Variants in TDRD7 observed in about 807,000 individuals in gnomAD.
TDRD7 encodes the protein tudor domain containing 7, also known as tudor domain-containing protein 7.
TDRD7 carries 47 observed loss-of-function variants against 109.8 expected under a neutral mutation model. The ratio of observed to expected loss-of-function variants is 0.43; its 90% CI spans 0.34 to 0.55. The LOEUF (loss-of-function observed/expected upper bound fraction) is 0.55. Ranked by LOEUF, TDRD7 falls within the 20% of genes least tolerant of loss-of-function variation. The probability of loss-of-function intolerance (pLI) is 0.03; values close to 1 mark genes in which losing one functional copy is unlikely to be tolerated. For synonymous variants in TDRD7, 424 were observed against 457.3 expected (o/e 0.93, Z 0.93); for missense variants, 1,164 against 1,319.2 (o/e 0.88, Z 1.82).
At chr9:97,494,438 A>G (rs968863033) in intron 16 of TDRD7, among the ~76,000 whole-genome samples, 10 of 152,126 alleles carry the variant, frequency 6.6e-5, no homozygotes, top group African/African-American at 1.7e-4. Context: ...TACCTTACCA[A>G]TGGGTTACCT....
At chr9:97,481,928 T>G (rs1829123250) in intron 14 of TDRD7, among the ~76,000 whole-genome samples, 1 of 152,234 alleles carries the variant, frequency 6.6e-6, no homozygotes, top group Non-Finnish European at 1.5e-5. Flanking sequence ...GTAGATGGGT[T>G]GCCTTGCTGT....
At position 97,473,538 on chromosome 9, in the gene TDRD7, A is replaced by C. The variant is rs185816494; in HGVS notation, c.1991A>C (p.Asp664Ala). ...GTCAAAGTAACTAATATTTGCTCTG[A>C]TGGGACACTCTACTGCCAGGTGCCT... ...TNVKVTNICSDGTLYCQVPCK... is the reference protein window; with the variant it reads ...TNVKVTNICSAGTLYCQVPCK... The change falls in exon 11 of 17, where the codon GAT becomes GCT. Residue 664 changes from aspartate (D) to alanine (A), a missense_variant. Asp to Ala is a moderately radical substitution (Grantham distance 126). This residue lies in a region of TDRD7 where 261 missense variants were observed against 336.2 expected (regional missense o/e 0.78). Coordinates refer to ENST00000355295, the MANE Select transcript of TDRD7 (RefSeq NM_014290.3). 6.2e-7 allele frequency: 1 copy of C among 1,613,828 alleles called. No individual in the cohort carries two copies. Among genetic ancestry groups the C allele is most frequent in the East Asian group, 2.2e-5 (1 of 44,852 alleles).
intron 1 of TDRD7, among the ~76,000 whole-genome samples, chr9:97,425,419 A>G (rs1315327582): frequency 6.6e-6 from 1 of 152,204 alleles, no homozygotes; most frequent in Non-Finnish European, 1.5e-5. Flanking sequence ...AATTGCCTAC[A>G]GTATTCAGTA....
At chr9:97,417,144 A>C (rs1827824412) in intron 1 of TDRD7, among the ~76,000 whole-genome samples, 1 of 152,142 alleles carries the variant, frequency 6.6e-6, no homozygotes, top group Admixed American at 6.5e-5. Flanking sequence ...AATGGCAAGT[A>C]CAAAAGCCCT....
chr9:97,467,760 T>C (rs1034483823), intron 8 of TDRD7, among the ~76,000 whole-genome samples: 2 of 152,164 alleles, frequency 1.3e-5, no homozygotes, highest in African/African-American at 4.8e-5. Context: ...TGTGGGGGAA[T>C]GGATTGTATT....
rs113693988 is a variant in TDRD7, at chr9:97,475,085, A to G, written c.2080-298A>G. Among the ~76,000 whole-genome samples the G allele has an allele frequency of 2.3e-3, 348 of 152,312 alleles. 4 individuals carry two copies. The highest frequency in any genetic ancestry group is 8.0e-3 in the African/African-American group (334 of 41,566). On this transcript the variant is annotated intron_variant, in intron 11 of 16. Coordinates refer to ENST00000355295, the MANE Select transcript of TDRD7 (RefSeq NM_014290.3). ...GATTCAACACCTCTCTTCATGTGTAACTGATGGAGCCAGTGCCTAAGTGAA... is the reference window on the plus strand; with the variant it reads ...GATTCAACACCTCTCTTCATGTGTAGCTGATGGAGCCAGTGCCTAAGTGAA...
At chr9:97,467,559 T>A (rs1828841278) in intron 8 of TDRD7, among the ~76,000 whole-genome samples, 1 of 152,246 alleles carries the variant, frequency 6.6e-6, no homozygotes, top group African/African-American at 2.4e-5. Flanking sequence ...CAAGTCCTTC[T>A]TCTCAAGAAG....
At chr9:97,424,298 C>A (rs556700541) in intron 1 of TDRD7, among the ~76,000 whole-genome samples, 1 of 152,076 alleles carries the variant, frequency 6.6e-6, no homozygotes, top group Non-Finnish European at 1.5e-5. Context: ...TCAGATGAAC[C>A]GCCCACCTCG....
At chr9:97,450,719 A>G (rs2118425708) in intron 6 of TDRD7, among the ~76,000 whole-genome samples, 1 of 152,328 alleles carries the variant, frequency 6.6e-6, no homozygotes, top group South Asian at 2.1e-4. Flanking sequence ...AGAAAATTAA[A>G]AAGAGGTGGC....
chr9:97,492,685 CCCATCCATGT>C (rs1386140537), intron 16 of TDRD7, among the ~76,000 whole-genome samples: 2 of 152,182 alleles, frequency 1.3e-5, no homozygotes, highest in African/African-American at 4.8e-5. Context: ...GCTGTTGGGT[CCCATCCATGT>C]CCTGAGTTCC....
In TDRD7 at chr9:97,465,475, C is replaced by T. The variant is rs530107792; in HGVS notation, c.1629+447C>T. ...CAGCTGCTCCCAGCGTAGCCCTCTC[C>T]ACCCTCTTGAAAAGGCCAGTGGGCC... On this transcript the variant is annotated intron_variant, in intron 8 of 16. Coordinates refer to ENST00000355295, the MANE Select transcript of TDRD7 (RefSeq NM_014290.3). Among the ~76,000 whole-genome samples, 152 of 152,312 alleles carry T rather than the reference C, an allele frequency of 1.0e-3. No individual in the cohort carries two copies. The Middle Eastern group carries it at 0.014, about 14-fold the overall frequency.
chr9:97,414,258 AAAGT>A (rs1827775693), intron 1 of TDRD7, among the ~76,000 whole-genome samples: 1 of 152,218 alleles, frequency 6.6e-6, no homozygotes, highest in African/African-American at 2.4e-5. Context: ...TTTCAAACTA[AAAGT>A]AATTAATTTT....
intron 8 of TDRD7, among the ~76,000 whole-genome samples, chr9:97,469,393 G>C (rs530905697): frequency 3.9e-5 from 6 of 152,306 alleles, no homozygotes; most frequent in African/African-American, 1.4e-4. Flanking sequence ...AGGTAGACAG[G>C]CCCCACAGGC....
At chr9:97,478,731 G>A in intron 13 of TDRD7, 158 bp downstream of exon 13, 1 of 994,958 alleles carries the variant, frequency 1.0e-6, no homozygotes, top group Non-Finnish European at 1.5e-6. Flanking sequence ...GTAAAACATT[G>A]CTGACTTAGA....
rs1026863393 is a variant in TDRD7, at chr9:97,412,787, A to T, written c.-7+549A>T. On this transcript the variant is annotated intron_variant, in intron 1 of 16. Transcript: ENST00000355295. The surrounding 1 kb of genome is among the most constrained non-coding windows in gnomAD (Gnocchi z 4.3). The stretch of plus-strand genomic sequence containing the variant: ...GGACACACATCCCCATTTCTCTCAA[A>T]CGAGGAGCACCCAGTGGGTACAGAG... Among the ~76,000 whole-genome samples the T allele has an allele frequency of 6.6e-6, 1 of 152,138 alleles. No homozygotes were observed. The highest frequency in any genetic ancestry group is 2.4e-5 in the African/African-American group (1 of 41,422).
intron 16 of TDRD7, among the ~76,000 whole-genome samples, chr9:97,489,579 ATT>A (rs936358336): frequency 6.6e-6 from 1 of 150,814 alleles, no homozygotes; most frequent in Non-Finnish European, 1.5e-5. Context: ...GTTGAGTCTT[ATT>A]TTTTTTTATT....
chr9:97,422,387 C>A (rs1022376459), intron 1 of TDRD7, among the ~76,000 whole-genome samples: 7 of 151,270 alleles, frequency 4.6e-5, no homozygotes, highest in Non-Finnish European at 7.4e-5. Context: ...CAGATCAAGA[C>A]CCTGTCTCAA....
At chr9:97,452,215 AC>A (rs1208655849) in intron 6 of TDRD7, among the ~76,000 whole-genome samples, 3 of 152,212 alleles carry the variant, frequency 2.0e-5, no homozygotes, top group Non-Finnish European at 4.4e-5. Flanking sequence ...CCCAGCCTTA[AC>A]AAAAAGAGAG....
chr9:97,432,717 A>G (rs557906035), intron 4 of TDRD7, among the ~76,000 whole-genome samples: 1 of 152,262 alleles, frequency 6.6e-6, no homozygotes, highest in East Asian at 1.9e-4. Context: ...TAGTCAGGTA[A>G]ATTAAGTTGT....
Sources: allele counts gnomAD v4.1 joint callset (sites outside exome capture counted in the v4.1 genomes callset), GRCh38; gene constraint gnomAD v4.1.1; regional missense constraint gnomAD v4.1.1; non-coding constraint Gnocchi (gnomAD v3.1); transcripts MANE v1.5; gene names NCBI Gene and HGNC (gene_info 2026-07-23, HGNC 2026-07-21).